The following ARHGEF3 variants were observed in gnomAD, a reference collection of about 807,000 sequenced individuals.
ARHGEF3 encodes 59.8 kDA protein.
In ARHGEF3, 28 loss-of-function variants were observed where a neutral mutation model predicts 63.2. The observed-to-expected ratio is 0.44, with a 90% CI of 0.33 to 0.61. The LOEUF is 0.61. Ranked by LOEUF, ARHGEF3 falls within the 20% of genes least tolerant of loss-of-function variation. The pLI, the probability that ARHGEF3 is intolerant of heterozygous loss-of-function variation, is 0.03. For synonymous variants in ARHGEF3, 266 were observed against 254.2 expected (o/e 1.05, Z -0.44); for missense variants, 533 against 659.3 (o/e 0.81, Z 2.10).
intron 2 of ARHGEF3, among the ~76,000 whole-genome samples, chr3:57,032,520 C>A (rs1703775388): frequency 6.6e-6 from 1 of 152,210 alleles, no homozygotes; most frequent in Non-Finnish European, 1.5e-5. Flanking sequence ...CAAAGTTTTG[C>A]TGGTTTCCTT....
intron 3 of ARHGEF3, among the ~76,000 whole-genome samples, chr3:56,935,461 T>C (rs1397693511): frequency 6.6e-6 from 1 of 152,156 alleles, no homozygotes; most frequent in Non-Finnish European, 1.5e-5. Context: ...GCTTTGTTCT[T>C]TCGCTCTTTG....
chr3:56,748,886 C>T (rs369976671), intron 6 of ARHGEF3, among the ~76,000 whole-genome samples: 2 of 152,282 alleles, frequency 1.3e-5, no homozygotes, highest in African/African-American at 2.4e-5. Context: ...GGCTGTCCCA[C>T]TTGGAAGGCT....
intron 2 of ARHGEF3, among the ~76,000 whole-genome samples, chr3:57,009,926 C>A (rs551698466): frequency 6.6e-6 from 1 of 152,236 alleles, no homozygotes; most frequent in South Asian, 2.1e-4. Flanking sequence ...TCTCGTCATA[C>A]CCATTTTAAA....
At chr3:56,793,448 C>T (rs948733310) in intron 1 of ARHGEF3, among the ~76,000 whole-genome samples, 7 of 151,908 alleles carry the variant, frequency 4.6e-5, no homozygotes, top group Middle Eastern at 6.8e-3. Context: ...GGATTACAGG[C>T]GTGAGCCACC....
At chr3:56,973,743 C>A (rs1033916132) in intron 2 of ARHGEF3, among the ~76,000 whole-genome samples, 3 of 151,980 alleles carry the variant, frequency 2.0e-5, no homozygotes, top group African/African-American at 7.3e-5. Flanking sequence ...GGTGACTTGA[C>A]AAGAAAACAT....
chr3:57,074,443 A>C, intron 1 of ARHGEF3: 3 of 612,436 alleles, frequency 4.9e-6, no homozygotes, highest in East Asian at 5.6e-5. Context: ...CTTCCCCAAT[A>C]TCACAGATGA....
chr3:56,996,143 A>G (rs1367115919), intron 2 of ARHGEF3, among the ~76,000 whole-genome samples: 2 of 152,120 alleles, frequency 1.3e-5, no homozygotes, highest in African/African-American at 4.8e-5. Flanking sequence ...GGACTCACCA[A>G]CTGAAACACA....
At chr3:56,974,650 C>T (rs779154084) in intron 2 of ARHGEF3, among the ~76,000 whole-genome samples, 2 of 152,126 alleles carry the variant, frequency 1.3e-5, no homozygotes, top group East Asian at 1.9e-4. Flanking sequence ...GCAAAGGGAT[C>T]GTTCTCCCTC....
chr3:57,044,204 T>A (rs919268358), intron 1 of ARHGEF3, among the ~76,000 whole-genome samples: 1 of 152,208 alleles, frequency 6.6e-6, no homozygotes, highest in African/African-American at 2.4e-5. Context: ...AATGAACACA[T>A]TCAGTGAACT....
At chr3:56,972,589 G>A (rs984238664) in intron 2 of ARHGEF3, among the ~76,000 whole-genome samples, 1 of 152,002 alleles carries the variant, frequency 6.6e-6, no homozygotes, top group African/African-American at 2.4e-5. Context: ...CCCAGGGCAG[G>A]CTTCTCCCTG....
intron 2 of ARHGEF3, among the ~76,000 whole-genome samples, chr3:56,997,622 G>A (rs1054137281): frequency 6.6e-6 from 1 of 152,190 alleles, no homozygotes; most frequent in Non-Finnish European, 1.5e-5. Context: ...GAACTCAGAG[G>A]AGCTGTTTGT....
At chr3:56,999,155 TTCTCTTGCC>T (rs1427753432) in intron 2 of ARHGEF3, among the ~76,000 whole-genome samples, 3 of 152,252 alleles carry the variant, frequency 2.0e-5, no homozygotes, top group Admixed American at 6.5e-5. Flanking sequence ...GTTCAAGTGA[TTCTCTTGCC>T]TCTCCTGCCT....
At chr3:56,751,459 G>A (rs1578411699) in intron 4 of ARHGEF3, 63 bp from the exon 5 acceptor site, 2 of 1,409,836 alleles carry the variant, frequency 1.4e-6, no homozygotes, top group East Asian at 4.7e-5. Flanking sequence ...CATTGTTCAT[G>A]TAAGTGGCTC....
At chr3:56,928,349 TCA>T (rs34038487) in intron 3 of ARHGEF3, among the ~76,000 whole-genome samples, 34,990 of 151,934 alleles carry the variant, frequency 0.23, 4,984 homozygotes, top group East Asian at 0.39. Context: ...TGGCCCATGG[TCA>T]CAGAGCTTTT....
intron 2 of ARHGEF3, among the ~76,000 whole-genome samples, chr3:56,985,680 G>T (rs1474404729): frequency 1.3e-5 from 2 of 152,350 alleles, no homozygotes; most frequent in African/African-American, 4.8e-5. Flanking sequence ...CCTGGGAACA[G>T]CATAGCTGAG....
At chr3:57,044,403 C>G (rs1275420079) in intron 1 of ARHGEF3, among the ~76,000 whole-genome samples, 1 of 152,192 alleles carries the variant, frequency 6.6e-6, no homozygotes, top group Non-Finnish European at 1.5e-5. Flanking sequence ...GTCCGTAAGT[C>G]ACTATCCCTC....
chr3:56,844,467 CAAAT>C (rs2039418616), intron 4 of ARHGEF3, among the ~76,000 whole-genome samples: 1 of 151,960 alleles, frequency 6.6e-6, no homozygotes, highest in African/African-American at 2.4e-5. Context: ...TATTTAGAAA[CAAAT>C]AAAAGATAGA....
At chr3:57,053,446 C>A (rs1002898604) in intron 1 of ARHGEF3, among the ~76,000 whole-genome samples, 5 of 152,214 alleles carry the variant, frequency 3.3e-5, no homozygotes, top group Non-Finnish European at 5.9e-5. Flanking sequence ...CCCCAACCTT[C>A]TTCCAAGGAC....
At chr3:56,908,592 C>G (rs1381427440) in intron 3 of ARHGEF3, among the ~76,000 whole-genome samples, 1 of 152,106 alleles carries the variant, frequency 6.6e-6, no homozygotes, top group African/African-American at 2.4e-5. Context: ...CTCAGTTTTG[C>G]AACATGATCC....
Sources: gnomAD v4.1 joint callset for allele counts (sites outside exome capture counted in the v4.1 genomes callset) on GRCh38, gnomAD v4.1.1 for gene constraint, MANE v1.5 for transcripts, NCBI Gene and HGNC (gene_info 2026-07-23, HGNC 2026-07-21) for gene names.